Variants in STAM2 observed in about 807,000 individuals in gnomAD.
The protein encoded by STAM2 is signal transducing adapter molecule 2.
A neutral mutation model predicts 65.6 loss-of-function variants in STAM2; 51 were observed. That is an observed-to-expected ratio of 0.78 (90% CI 0.62 to 0.98). The LOEUF is 0.98. Ranked by LOEUF, STAM2 falls within the 50% of genes least tolerant of loss-of-function variation. The pLI, the probability that STAM2 is intolerant of heterozygous loss-of-function variation, is 0.00. For missense variants in STAM2, 584 were observed against 617.8 expected (o/e 0.95, Z 0.58); for synonymous variants, 198 against 208.4 (o/e 0.95, Z 0.43).
At chr2:152,175,061 C>A (rs1015224057) in intron 1 of STAM2, among the ~76,000 whole-genome samples, 1 of 152,116 alleles carries the variant, frequency 6.6e-6, no homozygotes. Flanking sequence ...AAGAGCAACA[C>A]CTTTACAATT....
chr2:152,144,929 G>A lies in STAM2; in HGVS notation c.476C>T (p.Thr159Met), dbSNP rs747356264. The change falls in exon 6 of 14, where the codon ACG becomes ATG. Residue 159 changes from threonine to methionine, a missense_variant. Transcript: ENST00000263904. ...QTVSAAAKNG[T>M]SSNKNKEDED... ...ATCCTCTTTGTTTTTGTTCGATGAC[G>A]TACCATTCTTGGCAGCAGCTGAGAC... 1.5e-5 allele frequency: 24 copies of A among 1,613,676 alleles called. No individual in the cohort carries two copies. The highest frequency in any genetic ancestry group is 6.7e-5 in the African/African-American group (5 of 74,890).
At chr2:152,153,181 T>C (rs148925192) in intron 1 of STAM2, among the ~76,000 whole-genome samples, 76 of 152,304 alleles carry the variant, frequency 5.0e-4, no homozygotes, top group African/African-American at 1.7e-3. Flanking sequence ...TCTGCTAGTA[T>C]GGAGAGGTGG....
intron 7 of STAM2, among the ~76,000 whole-genome samples, chr2:152,140,571 A>G (rs1689227808): frequency 6.6e-6 from 1 of 152,242 alleles, no homozygotes; most frequent in Non-Finnish European, 1.5e-5. Context: ...GCAAACCTGG[A>G]AAAACCTGGT....
intron 1 of STAM2, among the ~76,000 whole-genome samples, chr2:152,160,079 C>A (rs1341386441): frequency 6.6e-6 from 1 of 152,246 alleles, no homozygotes; most frequent in African/African-American, 2.4e-5. Context: ...CGGCTGGCTA[C>A]AACCTCCACC....
In STAM2 at chr2:152,123,873, AAC is replaced by A. The variant is rs1688906326; in HGVS notation, c.1240_1241del (p.Val414CysfsTer5). On this transcript the variant is annotated frameshift_variant, in exon 13 of 14. Transcript: ENST00000263904. LOFTEE classifies it high-confidence loss of function. ...CGGGTCCTAGGCTATAGCTTTGGGC[AAC>A]AGTTACTTGGTGAATGCTCTGACCC... Reference protein sequence around the residue: ...YMGQSIHQVTVAQSYSLGPDQ... With the variant: ...YMGQSIHQVTXAQSYSLGPDQ... The A allele has an allele frequency of 1.2e-6, 2 of 1,614,134 alleles. No homozygotes were observed. The highest frequency in any genetic ancestry group is 2.2e-5 in the South Asian group (2 of 91,084).
In STAM2 at chr2:152,175,759, C is replaced by A. The variant is rs1690010293; in HGVS notation, c.-117G>T. 5 of 1,064,258 alleles carry A rather than the reference C, an allele frequency of 4.7e-6. No individual in the cohort carries two copies. Among genetic ancestry groups the A allele is most frequent in the Non-Finnish European group, 7.0e-6 (5 of 718,262 alleles). The allele number at this position is 1,064,258 out of a possible 1,614,324, so 65.9% of individuals were successfully genotyped here. ...CGCTCCGCTTCGGCCTCCGTCCCTG[C>A]ACTTCCGCCACCGCACCTGCCCGGC... is the stretch of plus-strand genomic sequence containing the variant. On this transcript the variant is annotated 5_prime_UTR_variant, in exon 1 of 14. Coordinates refer to ENST00000263904, the MANE Select transcript of STAM2 (RefSeq NM_005843.6).
intron 1 of STAM2, among the ~76,000 whole-genome samples, chr2:152,161,009 CATT>C (rs1410325122): frequency 9.2e-5 from 14 of 152,172 alleles, no homozygotes; most frequent in Non-Finnish European, 1.9e-4. Context: ...CCCAACAGCT[CATT>C]GAGAGTGGGC....
chr2:152,155,955 C>A (rs1332147643), intron 1 of STAM2, among the ~76,000 whole-genome samples: 2 of 152,130 alleles, frequency 1.3e-5, no homozygotes, highest in African/African-American at 2.4e-5. Context: ...GAGCCAGTAT[C>A]ATCAATTATC....
rs372451076 is a variant in STAM2, at chr2:152,157,026, T to C, written c.41-6797A>G. Among the ~76,000 whole-genome samples, 8 of 152,202 alleles carry C rather than the reference T, an allele frequency of 5.3e-5. No individual in the cohort carries two copies. In the East Asian group the frequency reaches 9.7e-4, roughly 18 times the overall value. ...CCAGATCTTTGAGGGAAGGGAAATA[T>C]GTAGTGAGCCTCACGATGGCCTCAG... On this transcript the variant is annotated intron_variant, in intron 1 of 13. Transcript: ENST00000263904.
At chr2:152,144,698 C>G in intron 6 of STAM2, 190 bp downstream of exon 6, 1 of 454,286 alleles carries the variant, frequency 2.2e-6, no homozygotes, top group East Asian at 4.1e-5. Context: ...GCCACCACGC[C>G]CAGCTAATTT....
chr2:152,175,520 G>A (rs1166640989), intron 1 of STAM2, 83 bp downstream of exon 1: 5 of 1,564,400 alleles, frequency 3.2e-6, no homozygotes, highest in African/African-American at 2.7e-5. Flanking sequence ...AGTCCCCGGA[G>A]TCGCTACCGC....
intron 11 of STAM2, among the ~76,000 whole-genome samples, chr2:152,128,971 A>G (rs1472796037): frequency 6.6e-6 from 1 of 152,228 alleles, no homozygotes; most frequent in Non-Finnish European, 1.5e-5. Context: ...AATAGTCAAT[A>G]AGAATTTGTT....
At chr2:152,151,331 G>C (rs910714751) in intron 1 of STAM2, among the ~76,000 whole-genome samples, 1 of 152,014 alleles carries the variant, frequency 6.6e-6, no homozygotes, top group Non-Finnish European at 1.5e-5. Flanking sequence ...ACAGGCGCCT[G>C]CCACCACACT....
At chr2:152,168,218 T>C (rs1315018142) in intron 1 of STAM2, among the ~76,000 whole-genome samples, 1 of 152,148 alleles carries the variant, frequency 6.6e-6, no homozygotes, top group African/African-American at 2.4e-5. Flanking sequence ...TGGAGTGCAG[T>C]GGCGCGATCT....
intron 2 of STAM2, among the ~76,000 whole-genome samples, chr2:152,149,323 C>T (rs1689396380): frequency 6.6e-6 from 1 of 152,132 alleles, no homozygotes; most frequent in African/African-American, 2.4e-5. Context: ...AACTCTTTTT[C>T]ATGTAAATTA....
chr2:152,125,096 T>C (rs1376145774), intron 12 of STAM2, among the ~76,000 whole-genome samples: 2 of 152,080 alleles, frequency 1.3e-5, no homozygotes, highest in Non-Finnish European at 2.9e-5. Context: ...AAATAACCCT[T>C]TACAGACACA....
intron 10 of STAM2, among the ~76,000 whole-genome samples, chr2:152,132,442 T>C (rs1415217733): frequency 1.3e-5 from 2 of 152,176 alleles, no homozygotes; most frequent in Non-Finnish European, 2.9e-5. Flanking sequence ...TCCCAAAGTC[T>C]TAAAGACATC....
intron 2 of STAM2, among the ~76,000 whole-genome samples, 188 bp from the exon 3 acceptor site, chr2:152,148,488 A>C (rs1174730212): frequency 6.6e-6 from 1 of 152,128 alleles, no homozygotes; most frequent in East Asian, 1.9e-4. Flanking sequence ...TGGAAAACAA[A>C]GTAAGATCTC....
At chr2:152,174,379 C>T (rs1403858060) in intron 1 of STAM2, among the ~76,000 whole-genome samples, 1 of 151,998 alleles carries the variant, frequency 6.6e-6, no homozygotes. Context: ...AAACAGTGAG[C>T]CTTAAGAGTG....
Sources: allele counts gnomAD v4.1 joint callset (sites outside exome capture counted in the v4.1 genomes callset), GRCh38; gene constraint gnomAD v4.1.1; transcripts MANE v1.5; gene names NCBI Gene and HGNC (gene_info 2026-07-23, HGNC 2026-07-21).